The following DPP9 variants were observed in gnomAD, a reference collection of about 807,000 sequenced individuals.
DPP9 encodes dipeptidyl peptidase IV-related protein-2.
Under a neutral mutation model 110.7 loss-of-function variants are expected in DPP9, and 50 were observed. The observed-to-expected ratio is 0.45, with a 90% CI of 0.36 to 0.57. The LOEUF is 0.57. Among genes scored for constraint, DPP9 ranks in the 20% least tolerant of loss-of-function variants. The pLI, the probability that DPP9 is intolerant of heterozygous loss-of-function variation, is 0.00. For missense variants in DPP9, 1,022 were observed against 1,217.9 expected (o/e 0.84, Z 2.39); for synonymous variants, 561 against 514.4 (o/e 1.09, Z -1.23).
intron 3 of DPP9, among the ~76,000 whole-genome samples, chr19:4,716,620 G>C (rs1568334745): frequency 6.6e-6 from 1 of 151,658 alleles, no homozygotes; most frequent in African/African-American, 2.4e-5. Flanking sequence ...CTGGGCGACA[G>C]AGTGAGACTC....
intron 13 of DPP9, 71 bp from the exon 14 acceptor site, chr19:4,691,028 A>T (rs2091267887): frequency 8.2e-7 from 1 of 1,219,350 alleles, no homozygotes; most frequent in Non-Finnish European, 1.2e-6. Context: ...CACCCAGGCC[A>T]AATTCCACCC....
intron 8 of DPP9, 77 bp downstream of exon 8, chr19:4,702,526 G>T (rs1471139581): frequency 8.9e-7 from 1 of 1,125,538 alleles, no homozygotes; most frequent in Non-Finnish European, 1.3e-6. Flanking sequence ...AAGGAGTAAG[G>T]CGCAGGAAGG....
In DPP9 at chr19:4,687,578, T is replaced by C. The variant is rs562735913; in HGVS notation, c.1885+1179A>G. ...CCCTGTGACTGACCCTTTGCTCCTTTTCCTGATAAAGGCCTCGGAGTGTCG... is the reference window on the plus strand; with the variant it reads ...CCCTGTGACTGACCCTTTGCTCCTTCTCCTGATAAAGGCCTCGGAGTGTCG... On this transcript the variant is annotated intron_variant, in intron 16 of 21. Transcript: ENST00000262960. This position sits in a 1 kb window ranked among gnomAD's most constrained non-coding sequence, Gnocchi z 4.7. 5.3e-4 allele frequency among the ~76,000 whole-genome samples: 81 copies of C among 152,320 alleles called. 1 individual carries two copies. Among genetic ancestry groups the C allele is most frequent in the African/African-American group, 1.9e-3 (80 of 41,580 alleles).
At position 4,710,298 on chromosome 19, in the gene DPP9, A is replaced by G. The variant is rs1410745278; in HGVS notation, c.313+3783T>C. 6.6e-6 allele frequency among the ~76,000 whole-genome samples: 1 copy of G among 152,198 alleles called. No individual in the cohort carries two copies. The highest frequency in any genetic ancestry group is 1.5e-5 in the Non-Finnish European group (1 of 68,028). On this transcript the variant is annotated intron_variant, in intron 4 of 21. Coordinates refer to ENST00000262960, the MANE Select transcript of DPP9 (RefSeq NM_139159.5). This position sits in a 1 kb window ranked among gnomAD's most constrained non-coding sequence, Gnocchi z 5.6. ...ATCTCAGCCTGGGACGTCGGGAGAC[A>G]GGAATTCTTGCTTTCCCTTTCGAGG... is the stretch of plus-strand genomic sequence containing the variant.
rs2093198433 is a variant in DPP9, at chr19:4,718,973, T to C, written c.56+878A>G. On this transcript the variant is annotated intron_variant, in intron 3 of 21. Coordinates refer to ENST00000262960, the MANE Select transcript of DPP9 (RefSeq NM_139159.5). This position sits in a 1 kb window ranked among gnomAD's most constrained non-coding sequence, Gnocchi z 4.3. ...GGAGTTTACTGACTGCCCCGGGGGG[T>C]GCGTGTCTAACCACATTCCATCCAC... Among the ~76,000 whole-genome samples, 1 of 150,520 alleles carries C rather than the reference T, an allele frequency of 6.6e-6. No homozygotes were observed. The highest frequency in any genetic ancestry group is 1.5e-5 in the Non-Finnish European group (1 of 67,668).
At chr19:4,686,405 C>T (rs556861678) in intron 16 of DPP9, among the ~76,000 whole-genome samples, 2 of 151,014 alleles carry the variant, frequency 1.3e-5, no homozygotes, top group East Asian at 2.0e-4. Flanking sequence ...CGGCAACTTG[C>T]ACCTCCTGGG....
At chr19:4,705,776 C>T in intron 5 of DPP9, 82 bp downstream of exon 5, 18 of 1,371,764 alleles carry the variant, frequency 1.3e-5, no homozygotes, top group Non-Finnish European at 1.8e-5. Context: ...AGAGAGGTGA[C>T]CGAAGGCATG....
rs1568314009 is a variant in DPP9 at position 4,695,399 on chromosome 19, C to T, written c.1332G>A (p.Glu444=). ...TTACATTGATCCAGACGTTGGTGAC[C>T]TCCTCGTACACCACATACGGCTGGA... ...RNVQPYVVYE[E]VTNVWINVHD... Residue 444 remains glutamate (E), a synonymous_variant, in exon 12 of 22, where the codon GAG becomes GAA. Coordinates refer to ENST00000262960, the MANE Select transcript of DPP9 (RefSeq NM_139159.5). The surrounding 1 kb of genome is among the most constrained non-coding windows in gnomAD (Gnocchi z 4.7). 6.3e-7 allele frequency: 1 copy of T among 1,585,920 alleles called. No individual in the cohort carries two copies. Among genetic ancestry groups the T allele is most frequent in the Non-Finnish European group, 8.6e-7 (1 of 1,166,068 alleles).
chr19:4,676,344 G>C lies in DPP9; in HGVS notation c.*220C>G, dbSNP rs953068827. On this transcript the variant is annotated 3_prime_UTR_variant, in exon 22 of 22. Transcript: ENST00000262960. This position sits in a 1 kb window ranked among gnomAD's most constrained non-coding sequence, Gnocchi z 4.0. ...GCTGGCCCGAGACCACCATCTCTCT[G>C]TCTCGGCAACCAAGAAGCAGCGGAC... 1.7e-6 allele frequency: 1 copy of C among 571,484 alleles called. No homozygotes were observed. The highest frequency in any genetic ancestry group is 3.0e-5 in the Admixed American group (1 of 33,304). 35.4% of individuals were successfully genotyped at this position (571,484 alleles called of 1,614,324 possible). A position where few individuals can be genotyped will look rare whatever the true frequency, so the allele number is the denominator to read the frequency against.
Position 4,703,968 on chromosome 19 carries a change from G to C in DPP9, c.687C>G (p.Phe229Leu). The change falls in exon 7 of 22, where the codon TTC (phenylalanine) becomes TTG (leucine). Residue 229 changes from phenylalanine (F) to leucine (L), a missense_variant. Physicochemically the swap from Phe to Leu is conservative, Grantham distance 22. Transcript: ENST00000262960. ...GGTCGCTGTTATTGATGAAGGAGAA[G>C]AAGGCAGGGTCGGCAGGGCAGATTT... Reference protein sequence around the residue: ...DPKICPADPAFFSFINNSDLW... With the variant: ...DPKICPADPALFSFINNSDLW... 6.2e-7 allele frequency: 1 copy of C among 1,613,992 alleles called. No homozygotes were observed. Among genetic ancestry groups the C allele is most frequent in the Non-Finnish European group, 8.5e-7 (1 of 1,179,878 alleles).
chr19:4,714,347 G>A lies in DPP9; in HGVS notation c.57-10C>T. On this transcript the variant is annotated splice_polypyrimidine_tract_variant and intron_variant, in intron 3 of 21. Coordinates refer to ENST00000262960, the MANE Select transcript of DPP9 (RefSeq NM_139159.5). ...GGAATTCAGCGAGAAGCTGCGGGGA[G>A]GAAGCAAAGACTATGAGAAAGGAGA... 1 of 1,484,586 alleles carries A rather than the reference G, an allele frequency of 6.7e-7. No individual in the cohort carries two copies. The highest frequency in any genetic ancestry group is 8.9e-7 in the Non-Finnish European group (1 of 1,118,768). The allele number at this position is 1,484,586 out of a possible 1,614,324, so 92.0% of individuals were successfully genotyped here. A position where few individuals can be genotyped will look rare whatever the true frequency, so the allele number is the denominator to read the frequency against.
intron 4 of DPP9, 54 bp from the exon 5 acceptor site, chr19:4,706,024 A>T (rs1194706940): frequency 2.3e-5 from 35 of 1,509,384 alleles, no homozygotes; most frequent in Non-Finnish European, 2.9e-5. Context: ...GGATGGGGAG[A>T]CGCCCTCAGC....
chr19:4,709,839 AG>A (rs959659498), intron 4 of DPP9, among the ~76,000 whole-genome samples: 29 of 151,720 alleles, frequency 1.9e-4, no homozygotes, highest in African/African-American at 6.8e-4. Flanking sequence ...GAGGGATGGG[AG>A]GGCCTGGGCA....
intron 21 of DPP9, among the ~76,000 whole-genome samples, chr19:4,677,383 G>C (rs1358437031): frequency 6.6e-6 from 1 of 152,130 alleles, no homozygotes; most frequent in Non-Finnish European, 1.5e-5. Flanking sequence ...AAAGAACCCC[G>C]GGGCTGGCCG....
chr19:4,700,019 C>A lies in DPP9; in HGVS notation c.1074+197G>T, dbSNP rs1424955431. Among the ~76,000 whole-genome samples, 1 of 152,186 alleles carries A rather than the reference C, an allele frequency of 6.6e-6. No individual in the cohort carries two copies. Among genetic ancestry groups the A allele is most frequent in the Non-Finnish European group, 1.5e-5 (1 of 68,038 alleles). Reference sequence around the variant, plus strand: ...CCACTCTGTGAGGCAGGGAGGCCAGCTCGCCACGCCGCATTCTAGGCACAG... The same window carrying A: ...CCACTCTGTGAGGCAGGGAGGCCAGATCGCCACGCCGCATTCTAGGCACAG... On this transcript the variant is annotated intron_variant, in intron 10 of 21. Coordinates refer to ENST00000262960, the MANE Select transcript of DPP9 (RefSeq NM_139159.5). The surrounding 1 kb of genome is among the most constrained non-coding windows in gnomAD (Gnocchi z 4.3).
intron 18 of DPP9, 125 bp from the exon 19 acceptor site, chr19:4,683,754 C>T (rs2090267776): frequency 6.3e-7 from 1 of 1,594,022 alleles, no homozygotes; most frequent in East Asian, 2.3e-5. Flanking sequence ...CTGGAAGCCC[C>T]CTGTCCTTCC....
rs1343385913 is a variant in DPP9 at position 4,689,974 on chromosome 19, A to AC, written c.1597-253dup. Reference sequence around the variant, plus strand: ...AGGCGGGACCTGGGGCCTGCATTCCACCCCCAGACAGCTCTTTCCTAGCTT... The same window carrying AC: ...AGGCGGGACCTGGGGCCTGCATTCCACCCCCCAGACAGCTCTTTCCTAGCTT... On this transcript the variant is annotated intron_variant, in intron 14 of 21. Coordinates refer to ENST00000262960, the MANE Select transcript of DPP9 (RefSeq NM_139159.5). This position sits in a 1 kb window ranked among gnomAD's most constrained non-coding sequence, Gnocchi z 7.0. Among the ~76,000 whole-genome samples the AC allele has an allele frequency of 1.3e-5, 2 of 151,932 alleles. No individual in the cohort carries two copies. The highest frequency in any genetic ancestry group is 4.8e-5 in the African/African-American group (2 of 41,364).
intron 14 of DPP9, 93 bp downstream of exon 14, chr19:4,690,785 A>G: frequency 1.1e-6 from 1 of 932,848 alleles, no homozygotes. Flanking sequence ...GTGTGAGTGT[A>G]TGTGTGTGTA....
intron 5 of DPP9, 94 bp downstream of exon 5, chr19:4,705,764 G>T: frequency 8.2e-7 from 1 of 1,217,156 alleles, no homozygotes. Context: ...AGCCGGTGGG[G>T]CAGAGAGGTG....
Sources: gnomAD v4.1 joint callset for allele counts (sites outside exome capture counted in the v4.1 genomes callset) on GRCh38, gnomAD v4.1.1 for gene constraint, Gnocchi (gnomAD v3.1) non-coding constraint, MANE v1.5 for transcripts, NCBI Gene and HGNC (gene_info 2026-07-23, HGNC 2026-07-21) for gene names.